The following ATG5 variants were observed in gnomAD, a reference collection of about 807,000 sequenced individuals.
ATG5 encodes the protein autophagy related 5.
A neutral mutation model predicts 36.5 loss-of-function variants in ATG5; 14 were observed. The observed-to-expected ratio is 0.38, with a 90% CI of 0.25 to 0.60. The LOEUF is 0.60. ATG5 is among the 20% of genes least tolerant of loss of function. ATG5 has a pLI of 0.60. For synonymous variants in ATG5, 95 were observed against 101.5 expected (o/e 0.94, Z 0.38); for missense variants, 195 against 326.7 (o/e 0.60, Z 3.11).
intron 3 of ATG5, among the ~76,000 whole-genome samples, chr6:106,305,812 T>C (rs1770421983): frequency 6.6e-6 from 1 of 152,200 alleles, no homozygotes; most frequent in Admixed American, 6.5e-5. Context: ...TATTCTTATA[T>C]TGATAGCCTA....
intron 5 of ATG5, among the ~76,000 whole-genome samples, chr6:106,264,504 C>G (rs1356025834): frequency 6.6e-6 from 1 of 152,070 alleles, no homozygotes; most frequent in Non-Finnish European, 1.5e-5. Flanking sequence ...CACTAAGATA[C>G]TCCTAAAGAA....
intron 6 of ATG5, among the ~76,000 whole-genome samples, chr6:106,206,224 C>T (rs1336168706): frequency 2.7e-5 from 3 of 110,530 alleles, no homozygotes; most frequent in Non-Finnish European, 5.1e-5. Context: ...CCCCAGGGAG[C>T]TTGTAAGGCT....
intron 7 of ATG5, among the ~76,000 whole-genome samples, chr6:106,196,541 T>G (rs1776197687): frequency 3.9e-5 from 6 of 152,022 alleles, no homozygotes; most frequent in Admixed American, 3.3e-4. Flanking sequence ...CTGGCCAACA[T>G]GGTGAAACCC....
intron 7 of ATG5, among the ~76,000 whole-genome samples, chr6:106,198,294 G>A (rs1776280557): frequency 6.6e-6 from 1 of 152,156 alleles, no homozygotes; most frequent in Non-Finnish European, 1.5e-5. Context: ...CCAGGTTAGA[G>A]TTTGGTGAAC....
intron 6 of ATG5, among the ~76,000 whole-genome samples, chr6:106,205,978 T>A (rs948432037): frequency 1.1e-4 from 16 of 152,252 alleles, no homozygotes; most frequent in Non-Finnish European, 1.9e-4. Flanking sequence ...AATATTCTTA[T>A]TCTTAAAAAT....
In ATG5 at chr6:106,248,216, A is replaced by G; in HGVS notation, c.507T>C (p.Asn169=). ...NDRFDQFWAI[N]RKLMEYPAEE... ...CTGCAGGATATTCCATGAGTTTCCGATTGATGGCCCAAAACTGGTCAAATC... is the reference window on the plus strand; with the variant it reads ...CTGCAGGATATTCCATGAGTTTCCGGTTGATGGCCCAAAACTGGTCAAATC... The change falls in exon 6 of 8, where the codon AAT becomes AAC. Residue 169 remains asparagine, a synonymous_variant. Transcript: ENST00000369076. 6.2e-7 allele frequency: 1 copy of G among 1,612,488 alleles called. No homozygotes were observed. Among genetic ancestry groups the G allele is most frequent in the Non-Finnish European group, 8.5e-7 (1 of 1,178,660 alleles).
At chr6:106,317,497 C>T (rs574138587) in intron 1 of ATG5, among the ~76,000 whole-genome samples, 1 of 152,218 alleles carries the variant, frequency 6.6e-6, no homozygotes, top group South Asian at 2.1e-4. Context: ...GATGCAATGT[C>T]ATCTACAGGT....
chr6:106,279,475 G>C (rs1401775884), intron 5 of ATG5, among the ~76,000 whole-genome samples, 186 bp downstream of exon 5: 1 of 122,260 alleles, frequency 8.2e-6, no homozygotes, highest in Non-Finnish European at 1.7e-5. Flanking sequence ...GAGAATCCAT[G>C]AACAGAGGAC....
At chr6:106,235,993 C>G (rs1183398891) in intron 6 of ATG5, among the ~76,000 whole-genome samples, 1 of 152,180 alleles carries the variant, frequency 6.6e-6, no homozygotes, top group Non-Finnish European at 1.5e-5. Context: ...TCCATCTCTA[C>G]TACACCCTCC....
intron 7 of ATG5, chr6:106,201,735 T>TAC (rs1776438465): frequency 3.8e-6 from 1 of 262,042 alleles, no homozygotes; most frequent in South Asian, 1.1e-4. Context: ...ACCAGAGATA[T>TAC]ACTAAGAGGA....
chr6:106,201,027 T>C (rs1776408757), intron 7 of ATG5, among the ~76,000 whole-genome samples: 1 of 152,224 alleles, frequency 6.6e-6, no homozygotes, highest in Non-Finnish European at 1.5e-5. Context: ...CATGTGTGCT[T>C]TAAATCATTC....
intron 6 of ATG5, among the ~76,000 whole-genome samples, chr6:106,246,142 A>G (rs1778320184): frequency 6.6e-6 from 1 of 152,186 alleles, no homozygotes; most frequent in African/African-American, 2.4e-5. Context: ...AGCCAAAAGG[A>G]AAGTTATGTA....
At chr6:106,198,767 C>A (rs1430132905) in intron 7 of ATG5, among the ~76,000 whole-genome samples, 2 of 129,066 alleles carry the variant, frequency 1.5e-5, no homozygotes, top group African/African-American at 3.1e-5. Flanking sequence ...CAGAGCGAGA[C>A]CCTGTCTGGG....
chr6:106,222,934 T>C (rs1396784119), intron 6 of ATG5, among the ~76,000 whole-genome samples: 1 of 152,230 alleles, frequency 6.6e-6, no homozygotes, highest in Non-Finnish European at 1.5e-5. Context: ...TTATTATTCA[T>C]CTAAACTTTA....
intron 1 of ATG5, among the ~76,000 whole-genome samples, chr6:106,319,676 ACTT>A (rs1207558952): frequency 1.3e-5 from 2 of 152,090 alleles, no homozygotes; most frequent in African/African-American, 4.8e-5. Context: ...TGGCACCTCT[ACTT>A]TTCCTCTACC....
intron 7 of ATG5, among the ~76,000 whole-genome samples, chr6:106,197,718 T>C (rs1776253893): frequency 6.6e-6 from 1 of 152,138 alleles, no homozygotes; most frequent in Non-Finnish European, 1.5e-5. Context: ...GCTTCCACCA[T>C]GAGCAGAAGC....
At chr6:106,295,563 A>T (rs1030148076) in intron 3 of ATG5, among the ~76,000 whole-genome samples, 6 of 149,394 alleles carry the variant, frequency 4.0e-5, no homozygotes, top group Non-Finnish European at 7.4e-5. Flanking sequence ...AAAATCAAGT[A>T]ATTTTTTTTT....
chr6:106,212,328 C>T (rs1383252898), intron 6 of ATG5, among the ~76,000 whole-genome samples: 2 of 152,172 alleles, frequency 1.3e-5, no homozygotes, highest in African/African-American at 2.4e-5. Flanking sequence ...TGCCCAAAAG[C>T]TACCTTCCAA....
At chr6:106,259,544 C>T in intron 5 of ATG5, among the ~76,000 whole-genome samples, 1 of 152,108 alleles carries the variant, frequency 6.6e-6, no homozygotes, top group East Asian at 1.9e-4. Flanking sequence ...AAGCATTTCC[C>T]CTTTCAACAA....
Sources: gnomAD v4.1 joint callset for allele counts (sites outside exome capture counted in the v4.1 genomes callset) on GRCh38, gnomAD v4.1.1 for gene constraint, MANE v1.5 for transcripts, NCBI Gene and HGNC (gene_info 2026-07-23, HGNC 2026-07-21) for gene names.